Variants in MGAT4C observed in about 807,000 individuals in gnomAD.
MGAT4C encodes alpha-1,3-mannosyl-glycoprotein 4-beta-N-acetylglucosaminyltransferase C.
Under a neutral mutation model 40.1 loss-of-function variants are expected in MGAT4C, and 19 were observed. The observed-to-expected ratio is 0.47, with a 90% confidence interval of 0.33 to 0.70. MGAT4C has a LOEUF of 0.70. MGAT4C is among the 30% of genes least tolerant of loss of function. MGAT4C has a pLI of 0.02. For missense variants in MGAT4C, 491 were observed against 563.2 expected (o/e 0.87, Z 1.30); for synonymous variants, 181 against 187.1 (o/e 0.97, Z 0.27).
chr12:86,016,776 G>A (rs896302455), intron 2 of MGAT4C, among the ~76,000 whole-genome samples: 1 of 151,984 alleles, frequency 6.6e-6, no homozygotes, highest in Non-Finnish European at 1.5e-5. Flanking sequence ...TTGGTATGCA[G>A]ACAGGTTTTT....
Position 85,964,833 on chromosome 12 carries a change from C to G in MGAT4C, c.*14456G>C, listed in dbSNP as rs1702443590. ...GGTAATGTGATTTATTAAAAGTTCT[C>G]CATCCCAAAATATATGTCCCATCTG... On this transcript the variant is annotated 3_prime_UTR_variant, in exon 5 of 5. Coordinates refer to ENST00000611864, the MANE Select transcript of MGAT4C (RefSeq NM_001351288.2). 6.6e-6 allele frequency: 1 copy of G among 152,076 alleles called. No individual in the cohort carries two copies. 9.4% of individuals were successfully genotyped at this position (152,076 alleles called of 1,614,324 possible).
intron 2 of MGAT4C, among the ~76,000 whole-genome samples, chr12:86,012,986 C>G (rs1210825804): frequency 6.6e-6 from 1 of 151,746 alleles, no homozygotes; most frequent in Admixed American, 6.6e-5. Context: ...AAAAAATTAG[C>G]CACGGTGGCA....
At chr12:86,547,940 C>A (rs1302395363) in intron 2 of MGAT4C, among the ~76,000 whole-genome samples, 1 of 152,098 alleles carries the variant, frequency 6.6e-6, no homozygotes, top group Non-Finnish European at 1.5e-5. Context: ...TCTTGTATTT[C>A]AGATCTCAGT....
intron 1 of MGAT4C, among the ~76,000 whole-genome samples, chr12:86,230,093 T>C (rs1303730961): frequency 6.6e-6 from 1 of 152,088 alleles, no homozygotes; most frequent in Non-Finnish European, 1.5e-5. Context: ...GCTTTATGTA[T>C]GTGTCTACAT....
intron 2 of MGAT4C, among the ~76,000 whole-genome samples, chr12:86,031,202 T>A (rs1166987261): frequency 6.6e-6 from 1 of 151,780 alleles, no homozygotes; most frequent in Non-Finnish European, 1.5e-5. Context: ...AATCACAGTG[T>A]GGTAAGAGGT....
chr12:86,310,926 A>AAAAC (rs542927077), intron 4 of MGAT4C, among the ~76,000 whole-genome samples: 303 of 152,336 alleles, frequency 2.0e-3, no homozygotes, highest in South Asian at 6.8e-3. Flanking sequence ...TTCGTCTCAA[A>AAAAC]AAACAAACAA....
intron 1 of MGAT4C, among the ~76,000 whole-genome samples, chr12:86,783,148 C>T (rs534214761): frequency 2.0e-5 from 3 of 152,244 alleles, no homozygotes; most frequent in East Asian, 3.9e-4. Flanking sequence ...ATCATTTTCA[C>T]TTTTTCCACA....
At chr12:86,417,203 GA>G (rs979384193) in intron 3 of MGAT4C, among the ~76,000 whole-genome samples, 2 of 151,850 alleles carry the variant, frequency 1.3e-5, no homozygotes, top group African/African-American at 4.8e-5. Context: ...TATATGATAA[GA>G]ATATAGATAA....
At chr12:86,614,629 T>C (rs1962390351) in intron 2 of MGAT4C, among the ~76,000 whole-genome samples, 1 of 151,204 alleles carries the variant, frequency 6.6e-6, no homozygotes, top group Non-Finnish European at 1.5e-5. Flanking sequence ...CAAGTGAAGT[T>C]AAACAATATA....
At chr12:86,386,242 A>G (rs1224631264) in intron 3 of MGAT4C, among the ~76,000 whole-genome samples, 7 of 152,170 alleles carry the variant, frequency 4.6e-5, no homozygotes, top group Non-Finnish European at 1.0e-4. Context: ...AGATTCAACT[A>G]TGTTCAAGGC....
chr12:86,754,251 C>T (rs1416702236), intron 1 of MGAT4C, among the ~76,000 whole-genome samples: 2 of 151,970 alleles, frequency 1.3e-5, no homozygotes, highest in African/African-American at 4.8e-5. Flanking sequence ...AGAGAATGTA[C>T]TTGATAATGT....
intron 1 of MGAT4C, among the ~76,000 whole-genome samples, chr12:86,136,031 T>A (rs944026039): frequency 6.6e-6 from 1 of 152,208 alleles, no homozygotes; most frequent in Non-Finnish European, 1.5e-5. Flanking sequence ...AGAATTTATA[T>A]TATTACTGGA....
chr12:86,578,800 A>G (rs991197936), intron 2 of MGAT4C, among the ~76,000 whole-genome samples: 1 of 151,510 alleles, frequency 6.6e-6, no homozygotes, highest in Non-Finnish European at 1.5e-5. Context: ...AAATTTTCAG[A>G]AAACTTTTTG....
chr12:86,019,098 T>C (rs1889385253), intron 2 of MGAT4C, among the ~76,000 whole-genome samples: 1 of 152,092 alleles, frequency 6.6e-6, no homozygotes, highest in African/African-American at 2.4e-5. Context: ...GAACTAACTA[T>C]GTCAGCAAGA....
intron 2 of MGAT4C, among the ~76,000 whole-genome samples, chr12:86,006,937 G>T (rs929640738): frequency 4.6e-5 from 7 of 152,184 alleles, no homozygotes; most frequent in Admixed American, 3.3e-4. Context: ...CCTCCATGAA[G>T]TTCCTTGAAT....
intron 2 of MGAT4C, among the ~76,000 whole-genome samples, chr12:86,712,468 T>C (rs1474549470): frequency 6.6e-6 from 1 of 152,124 alleles, no homozygotes; most frequent in Non-Finnish European, 1.5e-5. Flanking sequence ...GAAAGAAATA[T>C]GCTGGGCTGT....
chr12:86,507,000 G>T (rs755656986), intron 2 of MGAT4C, among the ~76,000 whole-genome samples: 1 of 152,148 alleles, frequency 6.6e-6, no homozygotes, highest in African/African-American at 2.4e-5. Context: ...AAGAATGCTT[G>T]GGAGACTGAG....
intron 1 of MGAT4C, among the ~76,000 whole-genome samples, chr12:86,077,976 T>A (rs931386609): frequency 6.6e-6 from 1 of 152,176 alleles, no homozygotes; most frequent in Non-Finnish European, 1.5e-5. Context: ...ATCGTTGTTG[T>A]TCTCCTGATG....
intron 1 of MGAT4C, among the ~76,000 whole-genome samples, chr12:86,830,028 TG>T (rs1028837679): frequency 6.6e-6 from 1 of 151,548 alleles, no homozygotes; most frequent in Admixed American, 6.6e-5. Context: ...TTTTACCTCA[TG>T]AACATATAGG....
Sources: allele counts gnomAD v4.1 joint callset (sites outside exome capture counted in the v4.1 genomes callset), GRCh38; gene constraint gnomAD v4.1.1; transcripts MANE v1.5; gene names NCBI Gene and HGNC (gene_info 2026-07-23, HGNC 2026-07-21).